CRTAC1: variants seen among roughly 807,000 people sequenced by gnomAD.
CRTAC1 encodes the protein cartilage acidic protein 1.
A neutral mutation model predicts 67.8 loss-of-function variants in CRTAC1; 37 were observed. The observed-to-expected ratio is 0.55, with a 90% CI of 0.42 to 0.72. The LOEUF (loss-of-function observed/expected upper bound fraction) is 0.72, where lower values mean the gene tolerates loss of function less well. Ranked by LOEUF, CRTAC1 falls within the 30% of genes least tolerant of loss-of-function variation. The pLI is 0.00. For synonymous variants in CRTAC1, 348 were observed against 371.0 expected, an observed-to-expected ratio of 0.94 and a Z score of 0.71; for missense variants, 780 against 931.6, an observed-to-expected ratio of 0.84 and a Z score of 2.12.
Position 97,955,508 on chromosome 10 carries a change from T to C in CRTAC1, c.225-19142A>G, listed in dbSNP as rs542439743. Among the ~76,000 whole-genome samples the C allele has an allele frequency of 9.2e-5, 14 of 152,342 alleles. No homozygotes were observed. In the South Asian group the frequency reaches 2.1e-3, roughly 23 times the overall value. On this transcript the variant is annotated intron_variant, in intron 2 of 14. Coordinates refer to ENST00000370597, the MANE Select transcript of CRTAC1 (RefSeq NM_018058.7). The stretch of plus-strand genomic sequence containing the variant: ...AGTCAGACACACCTGGACCCAAACC[T>C]CTTCTCTATCCTTTCCTTGTTCTGT...
chr10:97,946,395 A>G (rs537987998), intron 2 of CRTAC1, among the ~76,000 whole-genome samples: 2 of 152,134 alleles, frequency 1.3e-5, no homozygotes, highest in Non-Finnish European at 2.9e-5. Flanking sequence ...CCTCCTTCCC[A>G]AGACTTCAAC....
At chr10:97,901,471 T>C in intron 8 of CRTAC1, 32 bp downstream of exon 8, 3 of 1,613,846 alleles carry the variant, frequency 1.9e-6, no homozygotes, top group Non-Finnish European at 2.5e-6. Flanking sequence ...CTGTCAAGGA[T>C]GAAGAGCCAC....
At position 97,998,311 on chromosome 10, in the gene CRTAC1, A is replaced by G. The variant is rs532492878; in HGVS notation, c.224+12827T>C. On this transcript the variant is annotated intron_variant, in intron 2 of 14. Transcript: ENST00000370597. ...AAAAGATGATGGCTGAGAAATATTC[A>G]GAATGATGACAGACATGAATCCTCC... Among the ~76,000 whole-genome samples, 86 of 152,328 alleles carry G rather than the reference A, an allele frequency of 5.6e-4. 1 individual carries two copies. The highest frequency in any genetic ancestry group is 2.0e-3 in the African/African-American group (85 of 41,576).
intron 2 of CRTAC1, among the ~76,000 whole-genome samples, chr10:97,963,040 C>T (rs763272330): frequency 6.6e-5 from 10 of 152,008 alleles, no homozygotes; most frequent in Non-Finnish European, 1.5e-4. Flanking sequence ...TCCTCCTCTC[C>T]CCCATAGACT....
intron 2 of CRTAC1, among the ~76,000 whole-genome samples, chr10:97,939,271 G>A (rs58242881): frequency 0.16 from 23,717 of 152,136 alleles, 2,132 homozygotes; most frequent in South Asian, 0.24. Context: ...TAGTAACCTC[G>A]GAAAGGTAGT....
chr10:97,866,168 C>T (rs540561500), intron 14 of CRTAC1: 1 of 159,592 alleles, frequency 6.3e-6, no homozygotes, highest in South Asian at 1.9e-4. Flanking sequence ...AGTATCTGTT[C>T]CTTCTCATGC....
intron 14 of CRTAC1, chr10:97,870,799 G>A (rs1225284421): frequency 6.6e-6 from 1 of 151,930 alleles, no homozygotes; most frequent in East Asian, 1.9e-4. Context: ...CCTCTAAAAG[G>A]GAAGGTCCCT....
At chr10:97,917,875 A>G (rs924735410) in intron 4 of CRTAC1, among the ~76,000 whole-genome samples, 14 of 152,208 alleles carry the variant, frequency 9.2e-5, no homozygotes, top group African/African-American at 3.4e-4. Flanking sequence ...TTGTACAACA[A>G]AGCAGGCTGC....
intron 5 of CRTAC1, among the ~76,000 whole-genome samples, chr10:97,915,354 T>C (rs1431260745): frequency 1.3e-5 from 2 of 152,234 alleles, no homozygotes; most frequent in Non-Finnish European, 2.9e-5. Context: ...TTCTCCTCCC[T>C]GGATCTCCGT....
chr10:97,909,888 A>G lies in CRTAC1; in HGVS notation c.716-1741T>C, dbSNP rs12242511. Among the ~76,000 whole-genome samples, 1,415 of 152,308 alleles carry G rather than the reference A, an allele frequency of 9.3e-3. 27 individuals are homozygous for G. Among genetic ancestry groups the G allele is most frequent in the African/African-American group, 0.032 (1,315 of 41,562 alleles). On this transcript the variant is annotated intron_variant, in intron 5 of 14. Coordinates refer to ENST00000370597, the MANE Select transcript of CRTAC1 (RefSeq NM_018058.7). ...GTATTACTCAGCCTTAAAGAAGAAA[A>G]TCCTGTCATTTGTGACAACGTGGAT...
At chr10:97,891,698 C>A (rs558654610) in intron 11 of CRTAC1, among the ~76,000 whole-genome samples, 1 of 152,234 alleles carries the variant, frequency 6.6e-6, no homozygotes, top group South Asian at 2.1e-4. Context: ...TTCTCGCACC[C>A]CCATGTCCTT....
intron 1 of CRTAC1, among the ~76,000 whole-genome samples, chr10:98,025,109 G>A (rs1023112440): frequency 1.3e-5 from 2 of 152,030 alleles, no homozygotes; most frequent in Admixed American, 1.3e-4. Context: ...TCTCCTCTCT[G>A]GATCTCAGTG....
chr10:97,975,801 T>G lies in CRTAC1; in HGVS notation c.224+35337A>C, dbSNP rs2051790693. 6.6e-6 allele frequency among the ~76,000 whole-genome samples: 1 copy of G among 152,202 alleles called. No individual in the cohort carries two copies. Among genetic ancestry groups the G allele is most frequent in the Non-Finnish European group, 1.5e-5 (1 of 68,020 alleles). ...CCTCTGTGCCAAGAGCCTCTCCACC[T>G]GCCAGGGAAGCTACGCACACTCGGT... On this transcript the variant is annotated intron_variant, in intron 2 of 14. Transcript: ENST00000370597. This position sits in a 1 kb window ranked among gnomAD's most constrained non-coding sequence, Gnocchi z 4.8.
chr10:97,879,970 T>C (rs961318532), intron 14 of CRTAC1, among the ~76,000 whole-genome samples: 2 of 152,176 alleles, frequency 1.3e-5, no homozygotes, highest in African/African-American at 4.8e-5. Context: ...AAATACGGGC[T>C]GACCTCAAGG....
At chr10:97,896,384 A>G (rs1035200084) in intron 9 of CRTAC1, among the ~76,000 whole-genome samples, 5 of 152,208 alleles carry the variant, frequency 3.3e-5, no homozygotes, top group Non-Finnish European at 7.3e-5. Flanking sequence ...AAAGAGGTGA[A>G]GAGGGCAGAT....
At chr10:97,996,329 A>C (rs1251975221) in intron 2 of CRTAC1, among the ~76,000 whole-genome samples, 7 of 150,436 alleles carry the variant, frequency 4.7e-5, no homozygotes, top group Admixed American at 3.3e-4. Flanking sequence ...TTCGCAACCT[A>C]CTCATCTGAC....
chr10:97,974,646 C>A (rs998128349), intron 2 of CRTAC1, among the ~76,000 whole-genome samples: 15 of 152,088 alleles, frequency 9.9e-5, no homozygotes, highest in African/African-American at 3.6e-4. Flanking sequence ...AAACGGATTT[C>A]ATCTCTGCTC....
At chr10:98,026,920 C>T (rs1367064573) in intron 1 of CRTAC1, among the ~76,000 whole-genome samples, 1 of 152,038 alleles carries the variant, frequency 6.6e-6, no homozygotes, top group African/African-American at 2.4e-5. Flanking sequence ...TGGCTCACGC[C>T]TGTAATCCCA....
intron 2 of CRTAC1, among the ~76,000 whole-genome samples, chr10:97,964,109 C>T (rs1449955944): frequency 6.6e-6 from 1 of 152,196 alleles, no homozygotes; most frequent in East Asian, 1.9e-4. Flanking sequence ...ATCAGACAAC[C>T]ACCTGAAACC....
Sources: gnomAD v4.1 joint callset for allele counts (sites outside exome capture counted in the v4.1 genomes callset) on GRCh38, gnomAD v4.1.1 for gene constraint, Gnocchi (gnomAD v3.1) non-coding constraint, MANE v1.5 for transcripts, NCBI Gene and HGNC (gene_info 2026-07-23, HGNC 2026-07-21) for gene names.